Variants in GATM observed in about 807,000 individuals in gnomAD.
GATM encodes the protein glycine amidinotransferase.
GATM carries 23 observed loss-of-function variants against 54.2 expected under a neutral mutation model. That is an observed-to-expected ratio of 0.42 (90% CI 0.31 to 0.60). The LOEUF is 0.60. GATM is among the 20% of genes least tolerant of loss of function. The pLI is 0.14. For missense variants in GATM, 401 were observed against 544.9 expected, an observed-to-expected ratio of 0.74 and a Z score of 2.63; for synonymous variants, 168 against 183.1, an observed-to-expected ratio of 0.92 and a Z score of 0.67.
intron 4 of GATM, among the ~76,000 whole-genome samples, chr15:45,367,406 A>G (rs995699284): frequency 2.0e-5 from 3 of 151,948 alleles, no homozygotes; most frequent in Non-Finnish European, 2.9e-5. Context: ...AACCGTACGG[A>G]AAGTAAACAG....
chr15:45,369,207 T>C, intron 3 of GATM, 119 bp downstream of exon 3: 1 of 783,682 alleles, frequency 1.3e-6, no homozygotes, highest in Non-Finnish European at 2.2e-6. Context: ...TCTTTAAAGT[T>C]TTCAAGAACT....
At chr15:45,396,882 A>AG (rs1296986675) in intron 3 of GATM, 1 of 152,046 alleles carries the variant, frequency 6.6e-6, no homozygotes, top group Non-Finnish European at 1.5e-5. Flanking sequence ...AAAAAAAAAA[A>AG]AAAAAAAAAA....
rs1889373300 is a variant in GATM at position 45,362,003 on chromosome 15, T to G, written c.*106A>C. The G allele has an allele frequency of 1.3e-6, 1 of 742,068 alleles. No individual in the cohort carries two copies. The highest frequency in any genetic ancestry group is 1.4e-5 in the South Asian group (1 of 69,432). 46.0% of individuals were successfully genotyped at this position (742,068 alleles called of 1,614,324 possible). A position where few individuals can be genotyped will look rare whatever the true frequency, so the allele number is the denominator to read the frequency against. On this transcript the variant is annotated 3_prime_UTR_variant, in exon 9 of 9. Transcript: ENST00000396659. ...TTACGACCCCTGTTAAGGAGATGATTGTTTAAAGCACTACAGTTCATGCAC... is the reference window on the plus strand; with the variant it reads ...TTACGACCCCTGTTAAGGAGATGATGGTTTAAAGCACTACAGTTCATGCAC...
At chr15:45,394,446 C>T (rs1889905274) in intron 3 of GATM, among the ~76,000 whole-genome samples, 1 of 152,160 alleles carries the variant, frequency 6.6e-6, no homozygotes, top group African/African-American at 2.4e-5. Flanking sequence ...AAACAACTAA[C>T]TCAAGGCAGA....
At chr15:45,366,716 C>T (rs575026712) in intron 4 of GATM, among the ~76,000 whole-genome samples, 1 of 152,268 alleles carries the variant, frequency 6.6e-6, no homozygotes, top group East Asian at 1.9e-4. Context: ...ATAGTAATTT[C>T]CTGATACAAC....
intron 3 of GATM, among the ~76,000 whole-genome samples, chr15:45,389,456 GT>G (rs574935064): frequency 1.0e-3 from 159 of 152,190 alleles, no homozygotes; most frequent in African/African-American, 3.7e-3. Flanking sequence ...GTTTTGTTTT[GT>G]TTTTTAGACA....
chr15:45,380,219 C>A (rs1313453470), upstream of GATM: 1 of 145,402 alleles, frequency 6.9e-6, no homozygotes, highest in Non-Finnish European at 1.5e-5. Flanking sequence ...TACACTCCAG[C>A]CTGGGCGACA....
intron 1 of GATM, 49 bp downstream of exon 1, chr15:45,378,336 G>A: frequency 7.0e-7 from 1 of 1,433,372 alleles, no homozygotes; most frequent in South Asian, 1.3e-5. Flanking sequence ...GCCGCCCGCA[G>A]GATCGAGTGA....
At chr15:45,369,658 T>C in intron 2 of GATM, 137 bp from the exon 3 acceptor site, 1 of 757,004 alleles carries the variant, frequency 1.3e-6, no homozygotes, top group Non-Finnish European at 2.3e-6. Flanking sequence ...TGCTGATCCC[T>C]AGCATTGAGC....
At chr15:45,363,458 A>G (rs1217687679) in intron 8 of GATM, among the ~76,000 whole-genome samples, 1 of 152,168 alleles carries the variant, frequency 6.6e-6, no homozygotes, top group Non-Finnish European at 1.5e-5. Flanking sequence ...GCATTTCGCT[A>G]CTTTGTTAAC....
At chr15:45,390,337 T>A in intron 3 of GATM, among the ~76,000 whole-genome samples, 1 of 152,232 alleles carries the variant, frequency 6.6e-6, no homozygotes, top group East Asian at 1.9e-4. Context: ...AGACATGGAT[T>A]GTTTTTTAAG....
intron 2 of GATM, among the ~76,000 whole-genome samples, chr15:45,371,024 C>T (rs1004906617): frequency 2.6e-5 from 4 of 152,192 alleles, no homozygotes; most frequent in African/African-American, 9.7e-5. Context: ...CCACCCGCGT[C>T]GGCCCCCCAA....
intron 8 of GATM, chr15:45,363,613 G>A (rs1023799330): frequency 1.9e-6 from 1 of 519,482 alleles, no homozygotes; most frequent in African/African-American, 1.9e-5. Flanking sequence ...ACCTGCAAAG[G>A]GGTGGTTTTC....
At position 45,366,110 on chromosome 15, in the gene GATM, T is replaced by A; in HGVS notation, c.914A>T (p.Asp305Val). The change falls in exon 6 of 9, where the codon GAT becomes GTT. Residue 305 changes from aspartate (D) to valine (V), a missense_variant. By Grantham distance (152) the Asp-to-Val change is radical. Transcript: ENST00000396659. Reference sequence around the variant, plus strand: ...AGGTCCAATGATGTTGAAGGTAGCATCAATATGCATGGGATTGGGATCTTT... The same window carrying A: ...AGGTCCAATGATGTTGAAGGTAGCAACAATATGCATGGGATTGGGATCTTT... ...SFKDPNPMHI[D>V]ATFNIIGPGI... is the part of the protein sequence containing the mutation. 1 of 1,614,132 alleles carries A rather than the reference T, an allele frequency of 6.2e-7. No individual in the cohort carries two copies. The highest frequency in any genetic ancestry group is 8.5e-7 in the Non-Finnish European group (1 of 1,179,986).
At chr15:45,369,572 C>T (rs1044822002) in intron 2 of GATM, 51 bp from the exon 3 acceptor site, 11 of 1,516,138 alleles carry the variant, frequency 7.3e-6, no homozygotes, top group Non-Finnish European at 1.0e-5. Context: ...AAATACAGCT[C>T]ATGATAGGTT....
intron 3 of GATM, among the ~76,000 whole-genome samples, chr15:45,389,614 G>T (rs1259238698): frequency 1.3e-5 from 2 of 152,022 alleles, no homozygotes; most frequent in African/African-American, 4.8e-5. Flanking sequence ...CAGGTAATTT[G>T]TGTATTTTTT....
chr15:45,379,358 A>G (rs1481201303), upstream of GATM: 1 of 152,202 alleles, frequency 6.6e-6, no homozygotes, highest in Admixed American at 6.5e-5. Context: ...GAGGGGGGGC[A>G]AGAGATTTGA....
chr15:45,367,930 TA>T, intron 4 of GATM, 139 bp downstream of exon 4: 1 of 686,876 alleles, frequency 1.5e-6, no homozygotes. Context: ...CATCATAAAA[TA>T]ATCACTTTTT....
At chr15:45,384,634 G>C (rs975257714) in intron 3 of GATM, among the ~76,000 whole-genome samples, 3 of 152,122 alleles carry the variant, frequency 2.0e-5, no homozygotes, top group Non-Finnish European at 2.9e-5. Flanking sequence ...CGGACTTTTA[G>C]TGGTAGCTAA....
Sources: gnomAD v4.1 joint callset for allele counts (sites outside exome capture counted in the v4.1 genomes callset) on GRCh38, gnomAD v4.1.1 for gene constraint, MANE v1.5 for transcripts, NCBI Gene and HGNC (gene_info 2026-07-23, HGNC 2026-07-21) for gene names.